The following SLC8A1 variants were observed in gnomAD, a reference collection of about 807,000 sequenced individuals.
SLC8A1 encodes solute carrier family 8 member A1.
In SLC8A1, 18 loss-of-function variants were observed where a neutral mutation model predicts 68.3. The ratio of observed to expected loss-of-function variants is 0.26; its 90% CI spans 0.18 to 0.39. The LOEUF (loss-of-function observed/expected upper bound fraction) is 0.39. Ranked by LOEUF, SLC8A1 falls within the 10% of genes least tolerant of loss-of-function variation. The pLI, the probability that SLC8A1 is intolerant of heterozygous loss-of-function variation, is 1.00. For missense variants in SLC8A1, 985 were observed against 1,156.7 expected (o/e 0.85, Z 2.15); for synonymous variants, 475 against 415.5 (o/e 1.14, Z -1.74).
In SLC8A1 at chr2:40,506,652, G is replaced by C. The variant is rs1238820911; in HGVS notation, c.-25+5697C>G. On this transcript the variant is annotated intron_variant, in intron 1 of 7. Coordinates refer to the SLC8A1 transcript ENST00000402441. ...ATCTATCAGGGTCTATAGATTTATG[G>C]GACCTGAAGGAATTCAATTTTGTGT... Among the ~76,000 whole-genome samples, 9 of 151,204 alleles carry C rather than the reference G, an allele frequency of 6.0e-5. No homozygotes were observed. In the Admixed American group the frequency reaches 6.0e-4, roughly 10 times the overall value.
chr2:40,231,820 G>C (rs1198062836), intron 2 of SLC8A1, among the ~76,000 whole-genome samples: 1 of 152,018 alleles, frequency 6.6e-6, no homozygotes, highest in Non-Finnish European at 1.5e-5. Flanking sequence ...ACTTACTTTG[G>C]GAACCTATTT....
At chr2:40,318,658 A>G (rs1485848354) in intron 2 of SLC8A1, among the ~76,000 whole-genome samples, 2 of 151,982 alleles carry the variant, frequency 1.3e-5, no homozygotes, top group Admixed American at 1.3e-4. Context: ...TCTAAGTAGA[A>G]CCTAGAGATA....
chr2:40,321,023 G>A (rs941926580), intron 2 of SLC8A1, among the ~76,000 whole-genome samples: 3 of 152,124 alleles, frequency 2.0e-5, no homozygotes, highest in Non-Finnish European at 4.4e-5. Flanking sequence ...CAGGGAAGAG[G>A]CTGTAAACTC....
chr2:40,226,906 A>G (rs1055879417), intron 2 of SLC8A1, among the ~76,000 whole-genome samples: 1 of 152,200 alleles, frequency 6.6e-6, no homozygotes, highest in Non-Finnish European at 1.5e-5. Flanking sequence ...CATGTGAACA[A>G]AACACATCTA....
intron 4 of SLC8A1, among the ~76,000 whole-genome samples, chr2:40,172,981 T>G (rs1214240404): frequency 2.6e-5 from 4 of 152,040 alleles, no homozygotes; most frequent in Admixed American, 2.6e-4. Flanking sequence ...AACAGAAAGA[T>G]ATTCAAACAC....
intron 7 of SLC8A1, among the ~76,000 whole-genome samples, chr2:40,127,155 A>ATT (rs1310853080): frequency 6.6e-6 from 1 of 152,168 alleles, no homozygotes; most frequent in Admixed American, 6.5e-5. Flanking sequence ...GTCAAAATAC[A>ATT]GTGTTTCATT....
At chr2:40,114,289 C>G (rs5545) in exon 8 of SLC8A1, 126 of 152,862 alleles carry the variant, frequency 8.2e-4, no homozygotes, top group African/African-American at 2.8e-3. Flanking sequence ...AACTGACAGA[C>G]AATCCCAAGC....
upstream of SLC8A1, among the ~76,000 whole-genome samples, chr2:40,452,666 AT>A (rs372128971): frequency 0.01 from 1,509 of 148,870 alleles, 28 homozygotes; most frequent in African/African-American, 0.035. Flanking sequence ...TATATCAATG[AT>A]TTTTTTTTTA....
chr2:40,359,328 T>A (rs1432857502), intron 2 of SLC8A1, among the ~76,000 whole-genome samples: 2 of 152,198 alleles, frequency 1.3e-5, no homozygotes, highest in East Asian at 3.8e-4. Context: ...TTATTTTTAC[T>A]TTTTTAAGAC....
chr2:40,387,936 C>CAAAAA lies in SLC8A1; in HGVS notation c.1808+40532_1808+40536dup, dbSNP rs57394425. On this transcript the variant is annotated intron_variant, in intron 2 of 7. Transcript: ENST00000406785. ...TGGGCTACAGAAAGAGAGACTGCCT[C>CAAAAA]AAAAAAAAAAAAAAAAAAAAAAAGA... Among the ~76,000 whole-genome samples, 244 of 90,918 alleles carry CAAAAA rather than the reference C, an allele frequency of 2.7e-3. 1 individual carries two copies. Among genetic ancestry groups the CAAAAA allele is most frequent in the Non-Finnish European group, 4.0e-3 (195 of 48,750 alleles). 59.6% of individuals were successfully genotyped at this position (90,918 alleles called of 152,430 possible).
At chr2:40,408,266 A>G (rs1254410806) in intron 2 of SLC8A1, among the ~76,000 whole-genome samples, 1 of 152,218 alleles carries the variant, frequency 6.6e-6, no homozygotes, top group African/African-American at 2.4e-5. Flanking sequence ...TATACCTTCA[A>G]AAGTCTTTAT....
chr2:40,339,319 C>T (rs549897703), intron 2 of SLC8A1, among the ~76,000 whole-genome samples: 21 of 152,260 alleles, frequency 1.4e-4, no homozygotes, highest in African/African-American at 4.8e-4. Flanking sequence ...TGCATTCTCT[C>T]ATTACCTCTC....
At chr2:40,488,511 G>A (rs1478015375) in intron 1 of SLC8A1, among the ~76,000 whole-genome samples, 2 of 151,914 alleles carry the variant, frequency 1.3e-5, no homozygotes, top group Non-Finnish European at 2.9e-5. Flanking sequence ...TTAGCACGTG[G>A]AGAAAATGAA....
intron 2 of SLC8A1, among the ~76,000 whole-genome samples, chr2:40,217,540 G>A (rs2057685132): frequency 6.6e-6 from 1 of 152,104 alleles, no homozygotes; most frequent in African/African-American, 2.4e-5. Context: ...TTCTGTTGTT[G>A]TTGTGTAGGC....
At chr2:40,400,680 G>A (rs1248514972) in intron 2 of SLC8A1, among the ~76,000 whole-genome samples, 1 of 152,148 alleles carries the variant, frequency 6.6e-6, no homozygotes, top group Non-Finnish European at 1.5e-5. Flanking sequence ...GAGGGAAAAT[G>A]AGGTGGGAGG....
chr2:40,345,782 G>C (rs1669056048), intron 2 of SLC8A1, among the ~76,000 whole-genome samples: 1 of 152,000 alleles, frequency 6.6e-6, no homozygotes, highest in Non-Finnish European at 1.5e-5. Context: ...GTCATAAGTG[G>C]GAGTTGAACA....
chr2:40,316,452 T>C lies in SLC8A1; in HGVS notation c.1808+112021A>G, dbSNP rs866403278. ...GTCGTATAGGAACACAAAATTTGGTTAAATATTTGATAGATAAGTTTGGTA... is the reference window on the plus strand; with the variant it reads ...GTCGTATAGGAACACAAAATTTGGTCAAATATTTGATAGATAAGTTTGGTA... On this transcript the variant is annotated intron_variant, in intron 2 of 7. Coordinates refer to ENST00000406785, the Ensembl canonical transcript of SLC8A1. Among the ~76,000 whole-genome samples, 9 of 152,166 alleles carry C rather than the reference T, an allele frequency of 5.9e-5. No homozygotes were observed. In the South Asian group the frequency reaches 6.2e-4, roughly 11 times the overall value.
At chr2:40,482,945 C>T (rs1244812761) in intron 1 of SLC8A1, among the ~76,000 whole-genome samples, 3 of 150,334 alleles carry the variant, frequency 2.0e-5, no homozygotes, top group African/African-American at 4.9e-5. Context: ...CGCCCGCCAC[C>T]ACGCCCGGCT....
intron 1 of SLC8A1, among the ~76,000 whole-genome samples, chr2:40,508,190 A>G (rs1313646949): frequency 1.1e-4 from 17 of 152,080 alleles, no homozygotes; most frequent in Non-Finnish European, 2.4e-4. Context: ...CACATTGCTC[A>G]GAATAGAGTA....
Sources: gnomAD v4.1 joint callset for allele counts (sites outside exome capture counted in the v4.1 genomes callset) on GRCh38, gnomAD v4.1.1 for gene constraint, MANE v1.5 for transcripts, NCBI Gene and HGNC (gene_info 2026-07-23, HGNC 2026-07-21) for gene names.